MYO3B: variants seen among roughly 807,000 people sequenced by gnomAD.
MYO3B encodes myosin IIIB.
MYO3B carries 156 observed loss-of-function variants against 174.6 expected under a neutral mutation model. The observed-to-expected ratio is 0.89, with a 90% CI of 0.78 to 1.02. MYO3B has a LOEUF of 1.02. MYO3B is among the 50% of genes least tolerant of loss of function. The pLI is 0.00. For synonymous variants in MYO3B, 563 were observed against 569.1 expected, an observed-to-expected ratio of 0.99 and a Z score of 0.15; for missense variants, 1,632 against 1,639.4, an observed-to-expected ratio of 1.00 and a Z score of 0.08.
intron 25 of MYO3B, among the ~76,000 whole-genome samples, chr2:170,495,011 C>T (rs369810547): frequency 6.6e-6 from 1 of 152,160 alleles, no homozygotes. Flanking sequence ...TCTTCTGACT[C>T]TGAACTCAGT....
At chr2:170,632,186 T>C (rs1187888342) in intron 32 of MYO3B, among the ~76,000 whole-genome samples, 8 of 152,186 alleles carry the variant, frequency 5.3e-5, no homozygotes, top group African/African-American at 1.4e-4. Flanking sequence ...ATACATTCTT[T>C]TCAGCACCAC....
At chr2:170,404,207 A>G (rs1161444301) in intron 19 of MYO3B, 40 bp from the exon 20 acceptor site, 4 of 1,554,298 alleles carry the variant, frequency 2.6e-6, no homozygotes, top group Non-Finnish European at 3.5e-6. Context: ...TCCCAAGGCT[A>G]GTTTTGGGCT....
At chr2:170,465,414 C>T (rs1684561671) in intron 24 of MYO3B, among the ~76,000 whole-genome samples, 1 of 152,144 alleles carries the variant, frequency 6.6e-6, no homozygotes, top group African/African-American at 2.4e-5. Context: ...TCACTCATTG[C>T]CGTGAGGACA....
chr2:170,383,033 G>A (rs1262484705), intron 10 of MYO3B, 40 bp from the exon 11 acceptor site: 2 of 1,255,128 alleles, frequency 1.6e-6, no homozygotes, highest in Admixed American at 3.5e-5. Flanking sequence ...CCCTTGACTG[G>A]GAATAATATT....
intron 22 of MYO3B, among the ~76,000 whole-genome samples, chr2:170,413,855 T>G (rs1256260327): frequency 6.6e-6 from 1 of 151,720 alleles, no homozygotes; most frequent in African/African-American, 2.4e-5. Context: ...CTAGCTAACA[T>G]AGTGAAACCC....
chr2:170,573,459 A>C (rs1420180895), intron 32 of MYO3B, among the ~76,000 whole-genome samples: 3 of 152,114 alleles, frequency 2.0e-5, no homozygotes, highest in African/African-American at 7.2e-5. Flanking sequence ...GGGGCTGTCA[A>C]TTCCATTATA....
chr2:170,582,640 C>T (rs1194175239), intron 32 of MYO3B, among the ~76,000 whole-genome samples: 1 of 152,112 alleles, frequency 6.6e-6, no homozygotes, highest in Non-Finnish European at 1.5e-5. Context: ...CCTAGCCTTC[C>T]TCTACTTCTT....
chr2:170,205,746 G>A (rs1311177869), intron 3 of MYO3B, among the ~76,000 whole-genome samples: 1 of 151,998 alleles, frequency 6.6e-6, no homozygotes, highest in East Asian at 1.9e-4. Context: ...GGATACTCCA[G>A]CTCCTAGTGT....
intron 28 of MYO3B, among the ~76,000 whole-genome samples, chr2:170,506,382 G>A (rs1252514670): frequency 6.6e-6 from 1 of 152,154 alleles, no homozygotes; most frequent in Non-Finnish European, 1.5e-5. Flanking sequence ...ATCATCAGTG[G>A]GTTGGCAATG....
chr2:170,246,236 G>T (rs1031350678), intron 7 of MYO3B, among the ~76,000 whole-genome samples: 2 of 152,018 alleles, frequency 1.3e-5, no homozygotes, highest in African/African-American at 4.8e-5. Context: ...CCCACCCCAT[G>T]GTTGATAATT....
intron 32 of MYO3B, among the ~76,000 whole-genome samples, chr2:170,582,165 A>G (rs1693192466): frequency 6.6e-6 from 1 of 152,242 alleles, no homozygotes; most frequent in South Asian, 2.1e-4. Context: ...GACCGTAATC[A>G]GATTAAAGTT....
At position 170,410,592 on chromosome 2, in the gene MYO3B, G is replaced by GA. The variant is rs59296953; in HGVS notation, c.2650+2767dup. On this transcript the variant is annotated intron_variant, in intron 22 of 34. Coordinates refer to ENST00000408978, the MANE Select transcript of MYO3B (RefSeq NM_138995.5). ...AAGACTCCGTCTCAACAAAAAAAAAGAAAAAAAAAAAAAAAAAAACTTGGG... is the reference window on the plus strand; with the variant it reads ...AAGACTCCGTCTCAACAAAAAAAAAGAAAAAAAAAAAAAAAAAAAACTTGGG... Among the ~76,000 whole-genome samples, 307 of 112,534 alleles carry GA rather than the reference G, an allele frequency of 2.7e-3. 2 individuals are homozygous for GA. Among genetic ancestry groups the GA allele is most frequent in the African/African-American group, 8.9e-3 (261 of 29,468 alleles). 73.8% of individuals were successfully genotyped at this position (112,534 alleles called of 152,430 possible). A position where few individuals can be genotyped will look rare whatever the true frequency, so the allele number is the denominator to read the frequency against.
At chr2:170,541,530 T>A (rs968895170) in intron 30 of MYO3B, among the ~76,000 whole-genome samples, 3 of 152,248 alleles carry the variant, frequency 2.0e-5, no homozygotes, top group Admixed American at 1.3e-4. Flanking sequence ...TTAAAGTACT[T>A]AGACCAAATG....
chr2:170,234,520 C>T (rs962442426), intron 6 of MYO3B, among the ~76,000 whole-genome samples: 1 of 152,206 alleles, frequency 6.6e-6, no homozygotes, highest in Non-Finnish European at 1.5e-5. Context: ...AAATTTCTAA[C>T]ACATGAATTT....
At chr2:170,492,230 G>A (rs1686534878) in intron 25 of MYO3B, among the ~76,000 whole-genome samples, 2 of 152,134 alleles carry the variant, frequency 1.3e-5, no homozygotes. Context: ...GTAAGCACTG[G>A]GCACTGTTCC....
At chr2:170,425,131 A>G (rs550538872) in intron 22 of MYO3B, among the ~76,000 whole-genome samples, 1 of 152,344 alleles carries the variant, frequency 6.6e-6, no homozygotes, top group South Asian at 2.1e-4. Context: ...TAAATGAAAT[A>G]CATTAGAAAC....
intron 7 of MYO3B, among the ~76,000 whole-genome samples, chr2:170,288,874 G>A (rs1393334202): frequency 2.0e-5 from 3 of 151,844 alleles, no homozygotes; most frequent in Non-Finnish European, 4.4e-5. Context: ...ATCATGTTGA[G>A]GTATGTTCCT....
At chr2:170,191,289 C>T (rs530417779) in intron 1 of MYO3B, among the ~76,000 whole-genome samples, 2 of 152,062 alleles carry the variant, frequency 1.3e-5, no homozygotes, top group South Asian at 4.2e-4. Flanking sequence ...GCTGCACTGC[C>T]TGGGGTTGGA....
chr2:170,356,806 C>T (rs1173259598), intron 8 of MYO3B, among the ~76,000 whole-genome samples: 3 of 151,870 alleles, frequency 2.0e-5, no homozygotes, highest in African/African-American at 7.3e-5. Context: ...AAGACAAGGT[C>T]TCACCCTGTG....
Sources: gnomAD v4.1 joint callset for allele counts (sites outside exome capture counted in the v4.1 genomes callset) on GRCh38, gnomAD v4.1.1 for gene constraint, MANE v1.5 for transcripts, NCBI Gene and HGNC (gene_info 2026-07-23, HGNC 2026-07-21) for gene names.